The following PSMD1 variants were observed in gnomAD, a reference collection of about 807,000 sequenced individuals.
The protein encoded by PSMD1 is proteasome 26S subunit, non-ATPase 1, also known as 26S proteasome non-ATPase regulatory subunit 1.
In PSMD1, 18 loss-of-function variants were observed where a neutral mutation model predicts 119.0. The ratio of observed to expected loss-of-function variants is 0.15; its 90% confidence interval spans 0.10 to 0.22. The LOEUF is 0.22. Among genes scored for constraint, PSMD1 ranks in the 10% least tolerant of loss-of-function variants. The pLI is 1.00. For synonymous variants in PSMD1, 374 were observed against 396.6 expected (o/e 0.94, Z 0.68); for missense variants, 702 against 1,158.5 (o/e 0.61, Z 5.72).
At chr2:231,160,640 CTT>C (rs964500466) in intron 19 of PSMD1, among the ~76,000 whole-genome samples, 2 of 152,106 alleles carry the variant, frequency 1.3e-5, no homozygotes, top group African/African-American at 4.8e-5. Context: ...TATACTAAAA[CTT>C]TGCTTTTTAT....
chr2:231,160,933 G>A (rs1696624699), intron 19 of PSMD1, among the ~76,000 whole-genome samples: 1 of 152,148 alleles, frequency 6.6e-6, no homozygotes, highest in South Asian at 2.1e-4. Flanking sequence ...TATTGCCTGG[G>A]TGTAGTGCCT....
At chr2:231,110,667 A>G (rs1695127628) in intron 16 of PSMD1, among the ~76,000 whole-genome samples, 1 of 152,188 alleles carries the variant, frequency 6.6e-6, no homozygotes, top group South Asian at 2.1e-4. Context: ...ACTTTTCCTC[A>G]TGTACACCAC....
Position 231,079,628 on chromosome 2 carries a change from G to A in PSMD1, c.1239+14G>A, listed in dbSNP as rs763295855. 1 of 1,560,848 alleles carries A rather than the reference G, an allele frequency of 6.4e-7. No individual in the cohort carries two copies. The highest frequency in any genetic ancestry group is 8.8e-7 in the Non-Finnish European group (1 of 1,141,866). ...GTAATTCATAAGGTAATATATATTG[G>A]TCAGTGTATACAGGCATCAGAAAAG... On this transcript the variant is annotated intron_variant, in intron 11 of 24. Coordinates refer to ENST00000308696, the MANE Select transcript of PSMD1 (RefSeq NM_002807.4).
intron 1 of PSMD1, 110 bp from the exon 2 acceptor site, chr2:231,061,157 T>C (rs1693747655): frequency 2.8e-6 from 2 of 705,264 alleles, no homozygotes; most frequent in African/African-American, 1.8e-5. Context: ...CCTGGAGAAG[T>C]TACGCCTCAA....
At chr2:231,119,329 C>T (rs1214852383) in intron 16 of PSMD1, among the ~76,000 whole-genome samples, 1 of 152,166 alleles carries the variant, frequency 6.6e-6, no homozygotes, top group Non-Finnish European at 1.5e-5. Context: ...AATTTGCATG[C>T]AGTACTCTAC....
At chr2:231,074,681 G>T (rs1207906092) in intron 7 of PSMD1, among the ~76,000 whole-genome samples, 1 of 151,976 alleles carries the variant, frequency 6.6e-6, no homozygotes, top group East Asian at 1.9e-4. Context: ...ATTTTACTTT[G>T]ATGCTTTTCT....
intron 19 of PSMD1, among the ~76,000 whole-genome samples, chr2:231,158,740 T>G (rs2125264650): frequency 6.6e-6 from 1 of 152,354 alleles, no homozygotes; most frequent in Non-Finnish European, 1.5e-5. Flanking sequence ...CTTTCATATC[T>G]TATTTTAATT....
chr2:231,109,089 C>T (rs772636483), intron 16 of PSMD1: 12 of 1,614,060 alleles, frequency 7.4e-6, no homozygotes, highest in African/African-American at 5.3e-5. Flanking sequence ...TTGGGCAGAG[C>T]CTTGTCCTTT....
chr2:231,063,903 G>A (rs1693825659), intron 4 of PSMD1, among the ~76,000 whole-genome samples: 2 of 151,834 alleles, frequency 1.3e-5, no homozygotes, highest in South Asian at 2.1e-4. Context: ...GCCTCAAGCA[G>A]TTCTCCTGCT....
rs1202695831 is a variant in PSMD1, at chr2:231,170,286, T to C, written c.2716-280T>C. On this transcript the variant is annotated intron_variant, in intron 23 of 24. Coordinates refer to ENST00000308696, the MANE Select transcript of PSMD1 (RefSeq NM_002807.4). This position sits in a 1 kb window ranked among gnomAD's most constrained non-coding sequence, Gnocchi z 4.1. The stretch of plus-strand genomic sequence containing the variant: ...ATTCTTCCTGCAGTGAGACTGAGGC[T>C]GGTAGTCAAGGCCATGGCTGGGAAA... 6 of 299,740 alleles carry C rather than the reference T, an allele frequency of 2.0e-5. No individual in the cohort carries two copies. Among genetic ancestry groups the C allele is most frequent in the Non-Finnish European group, 3.7e-5 (6 of 163,976 alleles). The allele number at this position is 299,740 out of a possible 1,614,324, so 18.6% of individuals were successfully genotyped here.
At chr2:231,062,155 T>C (rs948035104) in intron 2 of PSMD1, 93 bp from the exon 3 acceptor site, 9 of 778,036 alleles carry the variant, frequency 1.2e-5, no homozygotes, top group Non-Finnish European at 1.3e-5. Flanking sequence ...TAAATATTAC[T>C]GAGGATTTGA....
In PSMD1 at chr2:231,077,066, G is replaced by A; in HGVS notation, c.975G>A (p.Met325Ile). The change falls in exon 9 of 25, where the codon ATG becomes ATA. Residue 325 changes from methionine (M) to isoleucine (I), a missense_variant. By Grantham distance (10) the Met-to-Ile change is conservative (BLOSUM62 1). Coordinates refer to ENST00000308696, the MANE Select transcript of PSMD1 (RefSeq NM_002807.4). ...SPEPKDQTLK[M>I]IKILSGEMAI... ...AGCCTAAGGACCAGACTTTGAAAAT[G>A]ATTAAAATTTTAAGTGGTGAAATGG... The A allele has an allele frequency of 1.2e-6, 2 of 1,606,506 alleles. No individual in the cohort carries two copies. Among genetic ancestry groups the A allele is most frequent in the Middle Eastern group, 1.7e-4 (1 of 5,910 alleles).
chr2:231,118,861 G>A (rs968040334), intron 16 of PSMD1, among the ~76,000 whole-genome samples: 2 of 152,196 alleles, frequency 1.3e-5, no homozygotes, highest in Admixed American at 6.5e-5. Flanking sequence ...GAGGTACTCA[G>A]TTCATGAACT....
At chr2:231,157,031 A>C (rs1254191823) in intron 19 of PSMD1, among the ~76,000 whole-genome samples, 1 of 152,164 alleles carries the variant, frequency 6.6e-6, no homozygotes, top group Non-Finnish European at 1.5e-5. Flanking sequence ...TTTGGTGGTG[A>C]GTATTTAAAA....
At position 231,114,531 on chromosome 2, in the gene PSMD1, G is replaced by A. The variant is rs114641757; in HGVS notation, c.1884-24205G>A. ...CAAAAGGAATGGCTTCAGATTATCC[G>A]GAAGAAAAGTAGATTGTTTCCCCTT... On this transcript the variant is annotated intron_variant, in intron 16 of 24. Transcript: ENST00000308696. Among the ~76,000 whole-genome samples, 1,170 of 152,128 alleles carry A rather than the reference G, an allele frequency of 7.7e-3. 6 individuals carry two copies. The highest frequency in any genetic ancestry group is 0.012 in the Non-Finnish European group (803 of 67,982).
intron 12 of PSMD1, 105 bp downstream of exon 12, chr2:231,080,419 C>T: frequency 1.1e-6 from 1 of 940,676 alleles, no homozygotes; most frequent in Non-Finnish European, 1.5e-6. Flanking sequence ...TTTGCGAATA[C>T]CCAAAACAAC....
chr2:231,066,968 A>G lies in PSMD1; in HGVS notation c.367A>G (p.Lys123Glu), dbSNP rs751876938. ...AAATGCAGATTTGCCTGAAGGAGAA[A>G]AAAAACCAATTGACCAGAGATTGGA... ...VENADLPEGE[K>E]KPIDQRLEGI... is the part of the protein sequence containing the mutation. Residue 123 changes from lysine (K) to glutamate (E), a missense_variant, in exon 5 of 25, where the codon AAA becomes GAA. Physicochemically the swap from Lys to Glu is moderately conservative, Grantham distance 56. Around this residue, in one of 9 missense-constraint regions of PSMD1, gnomAD observed 50 missense variants for 41.8 expected, o/e 1.20. Transcript: ENST00000308696. 7.4e-6 allele frequency: 12 copies of G among 1,613,294 alleles called. No individual in the cohort carries two copies. The Admixed American group carries it at 2.0e-4, about 27-fold the overall frequency.
chr2:231,097,678 G>C (rs932348746), intron 16 of PSMD1, among the ~76,000 whole-genome samples: 3 of 151,984 alleles, frequency 2.0e-5, no homozygotes, highest in African/African-American at 7.3e-5. Context: ...AAATCCTGCA[G>C]CTATTTGATT....
At chr2:231,162,869 G>A (rs1390144674) in intron 20 of PSMD1, among the ~76,000 whole-genome samples, 5 of 150,504 alleles carry the variant, frequency 3.3e-5, no homozygotes, top group African/African-American at 4.9e-5. Context: ...AAGCCGAGGC[G>A]GGTGGATCAC....
Sources: gnomAD v4.1 joint callset for allele counts (sites outside exome capture counted in the v4.1 genomes callset) on GRCh38, gnomAD v4.1.1 for gene constraint, gnomAD v4.1.1 regional missense constraint, Gnocchi (gnomAD v3.1) non-coding constraint, MANE v1.5 for transcripts, NCBI Gene and HGNC (gene_info 2026-07-23, HGNC 2026-07-21) for gene names.